The following UBE3D variants were observed in gnomAD, a reference collection of about 807,000 sequenced individuals.
UBE3D encodes the protein ubiquitin protein ligase E3D.
Under a neutral mutation model 49.6 loss-of-function variants are expected in UBE3D, and 48 were observed. The observed-to-expected ratio is 0.97, with a 90% CI of 0.77 to 1.23. The LOEUF is 1.23. Among genes scored for constraint, UBE3D ranks in the 50% most tolerant of loss-of-function variants. The pLI is 0.00. For synonymous variants in UBE3D, 189 were observed against 174.2 expected (o/e 1.08, Z -0.67); for missense variants, 452 against 468.4 (o/e 0.96, Z 0.32).
chr6:82,944,031 A>T (rs1046547672), intron 9 of UBE3D, among the ~76,000 whole-genome samples: 5 of 152,060 alleles, frequency 3.3e-5, no homozygotes, highest in Non-Finnish European at 5.9e-5. Context: ...CCATAAAAAA[A>T]CTTGAAACAA....
chr6:83,020,532 GA>G (rs1781021613), intron 7 of UBE3D, among the ~76,000 whole-genome samples: 1 of 152,036 alleles, frequency 6.6e-6, no homozygotes, highest in African/African-American at 2.4e-5. Context: ...TGTGTTTCAA[GA>G]ATGTTTTACT....
At chr6:82,933,793 T>C (rs752304115) in intron 9 of UBE3D, among the ~76,000 whole-genome samples, 2 of 152,144 alleles carry the variant, frequency 1.3e-5, no homozygotes, top group East Asian at 1.9e-4. Context: ...AGATAAAATA[T>C]AAAATGAGAG....
rs570086750 is a variant in UBE3D at position 83,048,737 on chromosome 6, A to T, written c.366-4078T>A. 1.5e-3 allele frequency among the ~76,000 whole-genome samples: 230 copies of T among 152,322 alleles called. 1 individual carries two copies. Among genetic ancestry groups the T allele is most frequent in the African/African-American group, 5.0e-3 (207 of 41,582 alleles). On this transcript the variant is annotated intron_variant, in intron 3 of 9. Coordinates refer to ENST00000369747, the MANE Select transcript of UBE3D (RefSeq NM_198920.3). ...TAAAAGAGTTTTTAAAGCAGAAAAA[A>T]TTTTTTTGATGTTTTGAAGAAAACA...
At chr6:82,932,061 C>A (rs1020619745) in intron 9 of UBE3D, among the ~76,000 whole-genome samples, 1 of 152,142 alleles carries the variant, frequency 6.6e-6, no homozygotes, top group Non-Finnish European at 1.5e-5. Context: ...TCTCATTCTT[C>A]TCCTTGCTGT....
downstream of UBE3D, among the ~76,000 whole-genome samples, chr6:82,890,984 T>C (rs1306959420): frequency 6.6e-6 from 1 of 151,890 alleles, no homozygotes; most frequent in Non-Finnish European, 1.5e-5. Context: ...TTTCCAACAT[T>C]AGACCGATAC....
intron 8 of UBE3D, among the ~76,000 whole-genome samples, chr6:82,963,766 G>A (rs1248720325): frequency 6.6e-6 from 1 of 151,992 alleles, no homozygotes; most frequent in Non-Finnish European, 1.5e-5. Context: ...GACACACCCA[G>A]GATCAACATT....
rs984875038 is a variant in UBE3D at position 83,020,438 on chromosome 6, G to T, written c.847-1302C>A. On this transcript the variant is annotated intron_variant, in intron 7 of 9. Transcript: ENST00000369747. ...TAAAAATAATGAAGTACACATATCA[G>T]ACTGTTAATACTGATTGCTCCCTGA... Among the ~76,000 whole-genome samples the T allele has an allele frequency of 6.6e-5, 10 of 150,970 alleles. No homozygotes were observed. The East Asian group carries it at 1.9e-3, about 29-fold the overall frequency.
Position 83,038,438 on chromosome 6 carries a change from C to T in UBE3D, c.645G>A (p.Met215Ile), listed in dbSNP as rs1455268453. The change falls in exon 5 of 10, where the codon ATG (methionine) becomes ATA (isoleucine). Residue 215 changes from methionine to isoleucine, a missense_variant. Transcript: ENST00000369747. ...TKVICKRCKV[M>I]LGETVSSETT... ...TACCTGATGACACGGTCTCTCCCAA[C>T]ATTACCTTGCAACGCTTACAAATTA... is the stretch of plus-strand genomic sequence containing the variant. 6.2e-7 allele frequency: 1 copy of T among 1,612,190 alleles called. No individual in the cohort carries two copies. The highest frequency in any genetic ancestry group is 1.7e-5 in the Admixed American group (1 of 59,658).
chr6:82,954,380 TG>T (rs1776014729), intron 9 of UBE3D, among the ~76,000 whole-genome samples: 1 of 152,180 alleles, frequency 6.6e-6, no homozygotes, highest in South Asian at 2.1e-4. Context: ...AAGAGATCCC[TG>T]TTGGCCTGAG....
intron 9 of UBE3D, among the ~76,000 whole-genome samples, chr6:82,907,176 A>G (rs920045942): frequency 6.6e-6 from 1 of 152,160 alleles, no homozygotes; most frequent in African/African-American, 2.4e-5. Flanking sequence ...TTATGTGGGG[A>G]CAGGTTCCTG....
intron 9 of UBE3D, among the ~76,000 whole-genome samples, chr6:82,936,957 A>T (rs1393219003): frequency 6.6e-6 from 1 of 152,246 alleles, no homozygotes; most frequent in East Asian, 1.9e-4. Flanking sequence ...ACTTAGGTCC[A>T]GTCACGCTGG....
chr6:82,971,000 T>C (rs569901113), intron 8 of UBE3D, among the ~76,000 whole-genome samples: 18 of 152,286 alleles, frequency 1.2e-4, no homozygotes, highest in African/African-American at 4.1e-4. Flanking sequence ...TTTATATAAA[T>C]AGAATCATAC....
At chr6:82,962,359 T>C (rs190174690) in intron 8 of UBE3D, among the ~76,000 whole-genome samples, 22 of 152,268 alleles carry the variant, frequency 1.4e-4, no homozygotes, top group African/African-American at 5.3e-4. Context: ...GAAATAAAAA[T>C]ACATTGGCAC....
chr6:82,898,543 T>C (rs1346295483), intron 9 of UBE3D, among the ~76,000 whole-genome samples: 1 of 152,126 alleles, frequency 6.6e-6, no homozygotes, highest in Non-Finnish European at 1.5e-5. Flanking sequence ...TGGATGAAGC[T>C]GGAAATCATT....
chr6:82,887,398 T>G (rs1388508546), downstream of UBE3D, among the ~76,000 whole-genome samples: 1 of 145,556 alleles, frequency 6.9e-6, no homozygotes, highest in Non-Finnish European at 1.5e-5. Context: ...AGTTTTTTTT[T>G]TTTTTTTTTT....
intron 8 of UBE3D, among the ~76,000 whole-genome samples, chr6:83,013,275 C>T (rs1011834059): frequency 3.9e-5 from 6 of 152,168 alleles, no homozygotes; most frequent in Admixed American, 2.0e-4. Flanking sequence ...CAGTAACAGG[C>T]TAAGACCTGT....
At chr6:83,030,587 C>T (rs1381447312) in intron 5 of UBE3D, among the ~76,000 whole-genome samples, 2 of 152,064 alleles carry the variant, frequency 1.3e-5, no homozygotes, top group African/African-American at 4.8e-5. Flanking sequence ...TGAGAACGGA[C>T]TAATACAGTA....
At position 83,038,223 on chromosome 6, in the gene UBE3D, T is replaced by A. The variant is rs575645156; in HGVS notation, c.667+193A>T. ...TCTTAATACTTAAAATTCAATACTCTGTATTTATGAAGGTCAAAATATACA... is the reference window on the plus strand; with the variant it reads ...TCTTAATACTTAAAATTCAATACTCAGTATTTATGAAGGTCAAAATATACA... On this transcript the variant is annotated intron_variant, in intron 5 of 9. Coordinates refer to ENST00000369747, the MANE Select transcript of UBE3D (RefSeq NM_198920.3). 26 of 498,702 alleles carry A rather than the reference T, an allele frequency of 5.2e-5. No homozygotes were observed. In the Admixed American group the frequency reaches 1.0e-3, roughly 19 times the overall value. 30.9% of individuals were successfully genotyped at this position (498,702 alleles called of 1,614,324 possible).
At chr6:83,064,553 G>C (rs1392800116) in intron 1 of UBE3D, among the ~76,000 whole-genome samples, 1 of 152,094 alleles carries the variant, frequency 6.6e-6, no homozygotes, top group Non-Finnish European at 1.5e-5. Context: ...TAGTCCAAGG[G>C]AACTGTGAAA....
Sources: allele counts gnomAD v4.1 joint callset (sites outside exome capture counted in the v4.1 genomes callset), GRCh38; gene constraint gnomAD v4.1.1; transcripts MANE v1.5; gene names NCBI Gene and HGNC (gene_info 2026-07-23, HGNC 2026-07-21).